AKAP6: variants seen among roughly 807,000 people sequenced by gnomAD.
AKAP6 encodes A-kinase anchor protein 6.
Under a neutral mutation model 188.5 loss-of-function variants are expected in AKAP6, and 58 were observed. The observed-to-expected ratio is 0.31, with a 90% confidence interval of 0.25 to 0.38. The LOEUF (loss-of-function observed/expected upper bound fraction) is 0.38, where lower values mean the gene tolerates loss of function less well. Among genes scored for constraint, AKAP6 ranks in the 10% least tolerant of loss-of-function variants. The pLI, the probability that AKAP6 is intolerant of heterozygous loss-of-function variation, is 1.00. For missense variants in AKAP6, 2,710 were observed against 2,740.0 expected, an observed-to-expected ratio of 0.99 and a Z score of 0.24; for synonymous variants, 989 against 998.6, an observed-to-expected ratio of 0.99 and a Z score of 0.18.
chr14:32,446,344 C>T (rs1253937338), intron 2 of AKAP6, among the ~76,000 whole-genome samples: 1 of 152,010 alleles, frequency 6.6e-6, no homozygotes, highest in Non-Finnish European at 1.5e-5. Flanking sequence ...GAGTAACGAG[C>T]TAGGTAAATA....
intron 4 of AKAP6, among the ~76,000 whole-genome samples, chr14:32,550,048 T>G (rs1883384374): frequency 6.6e-6 from 1 of 152,296 alleles, no homozygotes; most frequent in African/African-American, 2.4e-5. Flanking sequence ...TAGAAAGAAT[T>G]CAGGAGCCAT....
chr14:32,534,821 C>T (rs778859906), intron 2 of AKAP6, among the ~76,000 whole-genome samples: 8 of 151,928 alleles, frequency 5.3e-5, no homozygotes, highest in Middle Eastern at 3.4e-3. Flanking sequence ...CAAAAATTAG[C>T]GGGGCGTGTG....
chr14:32,519,896 CT>C (rs1240144581), intron 2 of AKAP6, among the ~76,000 whole-genome samples: 1 of 152,136 alleles, frequency 6.6e-6, no homozygotes, highest in Non-Finnish European at 1.5e-5. Context: ...AATATACATT[CT>C]TCTCAGCACC....
At chr14:32,548,961 T>C (rs1240136837) in intron 4 of AKAP6, among the ~76,000 whole-genome samples, 1 of 152,200 alleles carries the variant, frequency 6.6e-6, no homozygotes, top group Non-Finnish European at 1.5e-5. Flanking sequence ...GAGACCAGCA[T>C]TGTGCTAGAC....
chr14:32,568,993 G>T lies in AKAP6; in HGVS notation c.2347-8127G>T, dbSNP rs779254920. Among the ~76,000 whole-genome samples, 1 of 152,124 alleles carries T rather than the reference G, an allele frequency of 6.6e-6. No individual in the cohort carries two copies. The highest frequency in any genetic ancestry group is 1.5e-5 in the Non-Finnish European group (1 of 68,014). ...GGAGCAACTGAATTCAAAATCTCTA[G>T]ATTTGTTAGATGAATCCCTTTCCCA... On this transcript the variant is annotated intron_variant, in intron 4 of 13. Transcript: ENST00000280979. The surrounding 1 kb of genome is among the most constrained non-coding windows in gnomAD (Gnocchi z 6.2).
intron 12 of AKAP6, among the ~76,000 whole-genome samples, chr14:32,790,014 A>G (rs1329581900): frequency 1.3e-5 from 2 of 152,264 alleles, no homozygotes; most frequent in African/African-American, 4.8e-5. Context: ...TAGCCAGTTT[A>G]GAGAGGAACA....
Position 32,822,164 on chromosome 14 carries a change from C to G in AKAP6, c.4351C>G (p.Pro1451Ala). 6.2e-7 allele frequency: 1 copy of G among 1,613,714 alleles called. No individual in the cohort carries two copies. The highest frequency in any genetic ancestry group is 8.5e-7 in the Non-Finnish European group (1 of 1,179,856). Residue 1451 changes from proline (P) to alanine (A), a missense_variant, in exon 13 of 14, where the codon CCT (proline) becomes GCT (alanine). Around this residue, in one of 2 missense-constraint regions of AKAP6, gnomAD observed 2,473 missense variants for 2,426.1 expected, o/e 1.02. Coordinates refer to ENST00000280979, the MANE Select transcript of AKAP6 (RefSeq NM_004274.5). ...TTTAAACAGTATTACCAAACATACC[C>G]CTGACTGTTTGGGAGAAGAATTACA... ...GDLNSITKHTPDCLGEELQGK... is the reference protein window; with the variant it reads ...GDLNSITKHTADCLGEELQGK...
intron 3 of AKAP6, among the ~76,000 whole-genome samples, chr14:32,540,838 T>C (rs1490768230): frequency 6.6e-6 from 1 of 152,054 alleles, no homozygotes; most frequent in African/African-American, 2.4e-5. Flanking sequence ...AAATACTATA[T>C]ACTGTTTTTG....
At chr14:32,565,172 C>G (rs1884131910) in intron 4 of AKAP6, among the ~76,000 whole-genome samples, 1 of 152,088 alleles carries the variant, frequency 6.6e-6, no homozygotes, top group African/African-American at 2.4e-5. Flanking sequence ...CTTACTAGAT[C>G]TTGCTGTAGA....
intron 10 of AKAP6, chr14:32,733,264 A>T (rs1332414519): frequency 6.5e-6 from 1 of 154,122 alleles, no homozygotes; most frequent in Non-Finnish European, 1.4e-5. Context: ...TGTTACCCAG[A>T]GACCAGGATG....
At chr14:32,563,202 TGTG>T (rs1884030198) in intron 4 of AKAP6, among the ~76,000 whole-genome samples, 1 of 152,214 alleles carries the variant, frequency 6.6e-6, no homozygotes, top group Non-Finnish European at 1.5e-5. Flanking sequence ...GCTGGATGGT[TGTG>T]AAGCATGGTG....
chr14:32,518,329 A>G (rs1157898326), intron 2 of AKAP6, among the ~76,000 whole-genome samples: 1 of 152,258 alleles, frequency 6.6e-6, no homozygotes, highest in African/African-American at 2.4e-5. Context: ...CAATGGAACA[A>G]AGCTGGATGG....
At chr14:32,698,171 T>C (rs1345911513) in intron 9 of AKAP6, among the ~76,000 whole-genome samples, 1 of 152,132 alleles carries the variant, frequency 6.6e-6, no homozygotes, top group East Asian at 1.9e-4. Flanking sequence ...TGAGGAGTCA[T>C]GTAGAACTTC....
At chr14:32,556,216 A>G (rs1474462886) in intron 4 of AKAP6, among the ~76,000 whole-genome samples, 2 of 152,174 alleles carry the variant, frequency 1.3e-5, no homozygotes, top group South Asian at 4.1e-4. Flanking sequence ...AATGATGTTC[A>G]GCATCTTTCC....
chr14:32,800,061 C>CTCTCTATA (rs377693074), intron 12 of AKAP6, among the ~76,000 whole-genome samples: 13 of 136,938 alleles, frequency 9.5e-5, no homozygotes, highest in African/African-American at 1.6e-4. Flanking sequence ...CTCTCTCTCT[C>CTCTCTATA]TATATATATA....
In AKAP6 at chr14:32,821,838, G is replaced by C. The variant is rs778554658; in HGVS notation, c.4025G>C (p.Gly1342Ala). The C allele has an allele frequency of 1.9e-6, 3 of 1,613,698 alleles. No homozygotes were observed. In the African/African-American group the frequency reaches 4.0e-5, roughly 22 times the overall value. ...AAATCTTTGCCAGATCTTCTAGGTG[G>C]TTCCAATTTGGTAAAGCCCTGCGCA... ...STKSLPDLLG[G>A]SNLVKPCACH... The change falls in exon 13 of 14, where the codon GGT becomes GCT. Residue 1342 changes from glycine to alanine, a missense_variant. Around this residue, in one of 2 missense-constraint regions of AKAP6, gnomAD observed 2,473 missense variants for 2,426.1 expected, o/e 1.02. Transcript: ENST00000280979.
chr14:32,751,498 C>CTTTTTTT (rs71432082), intron 11 of AKAP6, among the ~76,000 whole-genome samples: 17 of 122,514 alleles, frequency 1.4e-4, no homozygotes, highest in Admixed American at 2.6e-4. Flanking sequence ...TCTCTTTTCA[C>CTTTTTTT]TTTTTTTTTT....
intron 9 of AKAP6, among the ~76,000 whole-genome samples, chr14:32,730,540 C>T (rs2031122672): frequency 6.6e-6 from 1 of 151,876 alleles, no homozygotes; most frequent in African/African-American, 2.4e-5. Flanking sequence ...TGTGTGAGAG[C>T]TGTTTAAAGT....
chr14:32,720,708 G>A (rs927211948), intron 9 of AKAP6, among the ~76,000 whole-genome samples: 9 of 152,156 alleles, frequency 5.9e-5, no homozygotes, highest in Non-Finnish European at 1.0e-4. Context: ...GCTGAGTGCA[G>A]TGGCATGCAC....
Sources: allele counts gnomAD v4.1 joint callset (sites outside exome capture counted in the v4.1 genomes callset), GRCh38; gene constraint gnomAD v4.1.1; regional missense constraint gnomAD v4.1.1; non-coding constraint Gnocchi (gnomAD v3.1); transcripts MANE v1.5; gene names NCBI Gene and HGNC (gene_info 2026-07-23, HGNC 2026-07-21).